Variants in KCTD8 observed in about 807,000 individuals in gnomAD.
KCTD8 encodes the protein BTB/POZ domain-containing protein KCTD8.
KCTD8 carries 27 observed loss-of-function variants against 31.5 expected under a neutral mutation model. The ratio of observed to expected loss-of-function variants is 0.86; its 90% CI spans 0.63 to 1.18. The LOEUF is 1.18. Among genes scored for constraint, KCTD8 ranks in the 50% most tolerant of loss-of-function variants. KCTD8 has a pLI of 0.00. For missense variants in KCTD8, 658 were observed against 647.7 expected (o/e 1.02, Z -0.17); for synonymous variants, 290 against 280.0 (o/e 1.04, Z -0.36).
intron 1 of KCTD8, among the ~76,000 whole-genome samples, chr4:44,375,630 C>A (rs80171918): frequency 0.087 from 13,243 of 152,074 alleles, 613 homozygotes; most frequent in Middle Eastern, 0.13. Context: ...TACCGAAAAC[C>A]TTTTATTGCC....
At chr4:44,419,965 C>G (rs1218234679) in intron 1 of KCTD8, among the ~76,000 whole-genome samples, 4 of 151,782 alleles carry the variant, frequency 2.6e-5, no homozygotes, top group Non-Finnish European at 5.9e-5. Context: ...AGAAAGTTAG[C>G]AGTGAAGAGA....
chr4:44,395,640 ACT>A (rs1309102493), intron 1 of KCTD8, among the ~76,000 whole-genome samples: 11 of 150,814 alleles, frequency 7.3e-5, no homozygotes, highest in African/African-American at 2.7e-4. Context: ...CTTGTGTGTG[ACT>A]CTCTCTTGAT....
At position 44,337,586 on chromosome 4, in the gene KCTD8, A is replaced by T. The variant is rs368792440; in HGVS notation, c.961+109977T>A. Among the ~76,000 whole-genome samples, 27 of 151,762 alleles carry T rather than the reference A, an allele frequency of 1.8e-4. No homozygotes were observed. The East Asian group carries it at 2.9e-3, about 16-fold the overall frequency. On this transcript the variant is annotated intron_variant, in intron 1 of 1. Coordinates refer to ENST00000360029, the MANE Select transcript of KCTD8 (RefSeq NM_198353.3). ...CTACTCAGGAGGCTGAGGCAGAAGA[A>T]TCGTTTGAATCCGGGAGGAGGAGGT...
chr4:44,304,737 CTT>C (rs1164909287), intron 1 of KCTD8, among the ~76,000 whole-genome samples: 1 of 152,218 alleles, frequency 6.6e-6, no homozygotes, highest in South Asian at 2.1e-4. Context: ...AGCAAACACT[CTT>C]TGTTTTTACA....
At chr4:44,427,297 A>T (rs1162700807) in intron 1 of KCTD8, among the ~76,000 whole-genome samples, 1 of 151,434 alleles carries the variant, frequency 6.6e-6, no homozygotes, top group Non-Finnish European at 1.5e-5. Flanking sequence ...TAAAATACCG[A>T]ATTTCAGGGG....
intron 1 of KCTD8, among the ~76,000 whole-genome samples, chr4:44,359,828 C>T (rs1384308955): frequency 6.6e-6 from 1 of 151,930 alleles, no homozygotes; most frequent in Admixed American, 6.6e-5. Context: ...GTAGTTTTTT[C>T]CTAAATATTT....
chr4:44,270,834 T>C (rs575296403), intron 1 of KCTD8, among the ~76,000 whole-genome samples: 1 of 152,314 alleles, frequency 6.6e-6, no homozygotes, highest in Admixed American at 6.5e-5. Flanking sequence ...TTTAGTCTTG[T>C]ACTACATTTA....
At chr4:44,331,023 T>C (rs1390361477) in intron 1 of KCTD8, among the ~76,000 whole-genome samples, 1 of 151,898 alleles carries the variant, frequency 6.6e-6, no homozygotes, top group Non-Finnish European at 1.5e-5. Context: ...AGGAAAAATT[T>C]CACTTTTGTA....
intron 1 of KCTD8, among the ~76,000 whole-genome samples, chr4:44,405,512 C>T (rs1720772219): frequency 6.6e-6 from 1 of 152,028 alleles, no homozygotes; most frequent in African/African-American, 2.4e-5. Flanking sequence ...TCGTGATCTG[C>T]CCACCTCGCC....
chr4:44,332,175 C>T lies in KCTD8; in HGVS notation c.961+115388G>A, dbSNP rs142657185. Among the ~76,000 whole-genome samples the T allele has an allele frequency of 6.3e-3, 958 of 151,962 alleles. 16 individuals are homozygous for T. The highest frequency in any genetic ancestry group is 7.0e-3 in the East Asian group (36 of 5,172). ...TTCTAGCTACACAGTCTCTAAATTT[C>T]AGTGTTCTTAAGTATCAAATAAGTG... On this transcript the variant is annotated intron_variant, in intron 1 of 1. Coordinates refer to ENST00000360029, the MANE Select transcript of KCTD8 (RefSeq NM_198353.3).
At chr4:44,374,026 A>G (rs565381003) in intron 1 of KCTD8, among the ~76,000 whole-genome samples, 1 of 152,318 alleles carries the variant, frequency 6.6e-6, no homozygotes, top group South Asian at 2.1e-4. Context: ...TACATAAGCA[A>G]GATAAGGGAA....
At chr4:44,267,412 T>C (rs570587406) in intron 1 of KCTD8, among the ~76,000 whole-genome samples, 1 of 152,258 alleles carries the variant, frequency 6.6e-6, no homozygotes, top group Non-Finnish European at 1.5e-5. Context: ...GAGGGAAATT[T>C]ATAGCACTAA....
chr4:44,334,014 C>T (rs1017134372), intron 1 of KCTD8, among the ~76,000 whole-genome samples: 2 of 152,022 alleles, frequency 1.3e-5, no homozygotes, highest in Admixed American at 1.3e-4. Context: ...GGAGAAATCA[C>T]TACCCATTTA....
chr4:44,328,721 C>T (rs1325593828), intron 1 of KCTD8, among the ~76,000 whole-genome samples: 2 of 151,880 alleles, frequency 1.3e-5, no homozygotes, highest in African/African-American at 4.8e-5. Flanking sequence ...TGTGGCTGAA[C>T]AGAGTGGGGA....
intron 1 of KCTD8, among the ~76,000 whole-genome samples, chr4:44,341,236 T>C (rs1211214452): frequency 1.3e-5 from 2 of 152,198 alleles, no homozygotes; most frequent in Non-Finnish European, 2.9e-5. Context: ...ATCATCTGGG[T>C]CTTCAGCAAG....
At chr4:44,385,734 T>C (rs1720196229) in intron 1 of KCTD8, among the ~76,000 whole-genome samples, 3 of 151,640 alleles carry the variant, frequency 2.0e-5, no homozygotes, top group Admixed American at 2.0e-4. Flanking sequence ...TCTTTCTGTG[T>C]ATCACATGAT....
At chr4:44,349,690 A>G (rs964313270) in intron 1 of KCTD8, among the ~76,000 whole-genome samples, 2 of 152,152 alleles carry the variant, frequency 1.3e-5, no homozygotes, top group African/African-American at 4.8e-5. Flanking sequence ...GATTTGACCT[A>G]TGCTTCCTAT....
At chr4:44,363,609 T>A (rs1194807304) in intron 1 of KCTD8, among the ~76,000 whole-genome samples, 5 of 152,148 alleles carry the variant, frequency 3.3e-5, no homozygotes, top group Admixed American at 3.3e-4. Flanking sequence ...CCTTTATGTG[T>A]TCAAAACAAC....
At chr4:44,441,775 G>A (rs1303634624) in intron 1 of KCTD8, among the ~76,000 whole-genome samples, 2 of 152,182 alleles carry the variant, frequency 1.3e-5, no homozygotes, top group Non-Finnish European at 2.9e-5. Context: ...AGTAATGTAT[G>A]CAAAACACTT....
Sources: allele counts gnomAD v4.1 joint callset (sites outside exome capture counted in the v4.1 genomes callset), GRCh38; gene constraint gnomAD v4.1.1; transcripts MANE v1.5; gene names NCBI Gene and HGNC (gene_info 2026-07-23, HGNC 2026-07-21).